Variants in PRKCB observed in about 807,000 individuals in gnomAD.
The protein encoded by PRKCB is protein kinase C beta type.
Under a neutral mutation model 81.5 loss-of-function variants are expected in PRKCB, and 13 were observed. The ratio of observed to expected loss-of-function variants is 0.16; its 90% confidence interval spans 0.10 to 0.25. The LOEUF (loss-of-function observed/expected upper bound fraction) is 0.25. PRKCB is among the 10% of genes least tolerant of loss of function. The pLI, the probability that PRKCB is intolerant of heterozygous loss-of-function variation, is 1.00. For synonymous variants in PRKCB, 335 were observed against 321.4 expected (o/e 1.04, Z -0.45); for missense variants, 509 against 875.7 (o/e 0.58, Z 5.29).
At chr16:24,078,133 C>T (rs1310017660) in intron 5 of PRKCB, among the ~76,000 whole-genome samples, 1 of 152,218 alleles carries the variant, frequency 6.6e-6, no homozygotes, top group Non-Finnish European at 1.5e-5. Flanking sequence ...TGCCAAGCAG[C>T]GACTCTGCAG....
At chr16:24,047,214 T>A (rs1965778382) in intron 5 of PRKCB, among the ~76,000 whole-genome samples, 1 of 151,778 alleles carries the variant, frequency 6.6e-6, no homozygotes, top group Admixed American at 6.6e-5. Context: ...TGGTGGTGCG[T>A]GTCTGCAGTC....
intron 5 of PRKCB, among the ~76,000 whole-genome samples, chr16:24,049,176 C>T (rs1196030343): frequency 2.0e-5 from 3 of 147,360 alleles, no homozygotes; most frequent in Non-Finnish European, 4.5e-5. Context: ...TCTCTCCAAA[C>T]CTCCCTGTGT....
intron 5 of PRKCB, among the ~76,000 whole-genome samples, chr16:24,083,541 C>G (rs1966276234): frequency 6.6e-6 from 1 of 152,200 alleles, no homozygotes; most frequent in Non-Finnish European, 1.5e-5. Context: ...ATGGATGACC[C>G]TCAAAGGCCC....
chr16:24,043,420 T>A (rs1965726697), intron 5 of PRKCB, among the ~76,000 whole-genome samples: 1 of 151,872 alleles, frequency 6.6e-6, no homozygotes, highest in Non-Finnish European at 1.5e-5. Flanking sequence ...TTATTTTGCT[T>A]TTTTTTTAGT....
chr16:24,088,242 G>A (rs1427685886), intron 5 of PRKCB, among the ~76,000 whole-genome samples: 5 of 152,188 alleles, frequency 3.3e-5, no homozygotes, highest in Non-Finnish European at 7.3e-5. Flanking sequence ...AGTAGCCAGA[G>A]CTCTTGGAGA....
intron 2 of PRKCB, among the ~76,000 whole-genome samples, chr16:23,930,819 A>G (rs1963962740): frequency 6.6e-6 from 1 of 151,180 alleles, no homozygotes; most frequent in South Asian, 2.1e-4. Context: ...TATTATCGTT[A>G]CTGTTGGGTA....
chr16:23,977,543 A>G (rs1201545151), intron 2 of PRKCB, among the ~76,000 whole-genome samples: 2 of 152,196 alleles, frequency 1.3e-5, no homozygotes. Context: ...TAGATAAAAA[A>G]AGAAAACTGA....
At chr16:23,870,901 G>A (rs936938979) in intron 2 of PRKCB, among the ~76,000 whole-genome samples, 10 of 152,188 alleles carry the variant, frequency 6.6e-5, no homozygotes, top group Admixed American at 5.2e-4. Flanking sequence ...GTTATCTGGG[G>A]CCTGATTGGT....
intron 5 of PRKCB, among the ~76,000 whole-genome samples, chr16:24,055,893 C>T (rs969396476): frequency 1.3e-5 from 2 of 152,166 alleles, no homozygotes; most frequent in Non-Finnish European, 2.9e-5. Context: ...CTACTAAGTG[C>T]CAGACACAGT....
chr16:23,875,430 G>A (rs1230300161), intron 2 of PRKCB, among the ~76,000 whole-genome samples: 2 of 150,882 alleles, frequency 1.3e-5, no homozygotes, highest in Non-Finnish European at 2.9e-5. Context: ...ACCAGCGGGT[G>A]TCCAAGGATT....
chr16:23,880,490 C>T (rs1963089249), intron 2 of PRKCB, among the ~76,000 whole-genome samples: 1 of 152,188 alleles, frequency 6.6e-6, no homozygotes, highest in South Asian at 2.1e-4. Flanking sequence ...CTGGTTTGAG[C>T]TCCAAAAGGT....
chr16:23,952,582 C>A (rs1302623020), intron 2 of PRKCB, among the ~76,000 whole-genome samples: 2 of 152,050 alleles, frequency 1.3e-5, no homozygotes, highest in African/African-American at 4.8e-5. Context: ...CTCTTGTGAG[C>A]GGAGCTTCCT....
At chr16:24,083,385 G>A (rs1966273872) in intron 5 of PRKCB, among the ~76,000 whole-genome samples, 1 of 152,158 alleles carries the variant, frequency 6.6e-6, no homozygotes, top group Non-Finnish European at 1.5e-5. Context: ...AAGAACCCGT[G>A]AGTATATCAG....
At chr16:23,950,573 C>A (rs1964267593) in intron 2 of PRKCB, among the ~76,000 whole-genome samples, 2 of 152,324 alleles carry the variant, frequency 1.3e-5, no homozygotes, top group South Asian at 4.1e-4. Context: ...TTAAAATAGG[C>A]TGAGGTCTGT....
At chr16:24,133,410 A>G (rs1336607250) in intron 9 of PRKCB, among the ~76,000 whole-genome samples, 1 of 152,112 alleles carries the variant, frequency 6.6e-6, no homozygotes, top group East Asian at 1.9e-4. Flanking sequence ...GATTCCTAAG[A>G]GGGCCCATGA....
chr16:23,898,151 C>T (rs952646730), intron 2 of PRKCB, among the ~76,000 whole-genome samples: 4 of 151,716 alleles, frequency 2.6e-5, no homozygotes, highest in East Asian at 3.9e-4. Flanking sequence ...CTGCAAGCTC[C>T]GCCTCCCAGG....
chr16:24,212,161 C>G (rs1017827679), intron 16 of PRKCB, among the ~76,000 whole-genome samples: 4 of 152,124 alleles, frequency 2.6e-5, no homozygotes, highest in African/African-American at 9.7e-5. Context: ...CCTGGGGTTT[C>G]TCCCAGTCCT....
chr16:23,910,243 A>G (rs1041995255), intron 2 of PRKCB, among the ~76,000 whole-genome samples: 1 of 152,200 alleles, frequency 6.6e-6, no homozygotes, highest in Non-Finnish European at 1.5e-5. Context: ...AGTCAAGTGC[A>G]GTGACCAGCA....
intron 2 of PRKCB, among the ~76,000 whole-genome samples, chr16:23,980,886 A>C (rs1392792035): frequency 6.6e-6 from 1 of 151,600 alleles, no homozygotes; most frequent in Non-Finnish European, 1.5e-5. Flanking sequence ...AAAATTTGGG[A>C]GTTAGGGGTG....
Sources: gnomAD v4.1 joint callset for allele counts (sites outside exome capture counted in the v4.1 genomes callset) on GRCh38, gnomAD v4.1.1 for gene constraint, MANE v1.5 for transcripts, NCBI Gene and HGNC (gene_info 2026-07-23, HGNC 2026-07-21) for gene names.